Variants in ZFYVE16 observed in about 807,000 individuals in gnomAD.
The protein encoded by ZFYVE16 is zinc finger FYVE-type containing 16, also known as zinc finger FYVE domain-containing protein 16.
Under a neutral mutation model 138.1 loss-of-function variants are expected in ZFYVE16, and 89 were observed. The ratio of observed to expected loss-of-function variants is 0.64; its 90% confidence interval spans 0.54 to 0.77. The LOEUF (loss-of-function observed/expected upper bound fraction) is 0.77, where lower values mean the gene tolerates loss of function less well. Among genes scored for constraint, ZFYVE16 ranks in the 30% least tolerant of loss-of-function variants. ZFYVE16 has a pLI of 0.00. For missense variants in ZFYVE16, 1,793 were observed against 1,786.7 expected (o/e 1.00, Z -0.06); for synonymous variants, 596 against 618.3 (o/e 0.96, Z 0.53).
At chr5:80,447,945 G>T in intron 7 of ZFYVE16, 81 bp from the exon 8 acceptor site, 1 of 1,217,334 alleles carries the variant, frequency 8.2e-7, no homozygotes, top group Non-Finnish European at 1.1e-6. Context: ...AAAAAGATAT[G>T]TTTGGCTATA....
chr5:80,416,558 T>G (rs1746287966), intron 1 of ZFYVE16, among the ~76,000 whole-genome samples: 1 of 4,932 alleles, frequency 2.0e-4, no homozygotes, highest in Non-Finnish European at 1.4e-3. Flanking sequence ...CCCAGCCGAT[T>G]TTTTTTTTTT....
In ZFYVE16 at chr5:80,465,400, GTTTTTTT is replaced by G. The variant is rs3072097; in HGVS notation, c.4024+5924_4024+5930del. Among the ~76,000 whole-genome samples, 98 of 26,780 alleles carry G rather than the reference GTTTTTTT, an allele frequency of 3.7e-3. 1 individual carries two copies. The highest frequency in any genetic ancestry group is 9.0e-3 in the African/African-American group (87 of 9,656). The allele number at this position is 26,780 out of a possible 152,430, so 17.6% of individuals were successfully genotyped here. On this transcript the variant is annotated intron_variant, in intron 15 of 18. Coordinates refer to ENST00000505560, the MANE Select transcript of ZFYVE16 (RefSeq NM_001284236.3). ...GGTTTCTTTTTTTTTCCTTTTCTTT[GTTTTTTT>G]TTTTTTTTTTTTTTTTTGAGACAGG...
At chr5:80,436,460 A>G (rs1422477899) in intron 3 of ZFYVE16, among the ~76,000 whole-genome samples, 3 of 152,198 alleles carry the variant, frequency 2.0e-5, no homozygotes, top group Non-Finnish European at 2.9e-5. Flanking sequence ...TTCAGGAATT[A>G]TTTTAAGCAA....
At chr5:80,454,559 T>C (rs982431128) in intron 11 of ZFYVE16, 12 of 151,354 alleles carry the variant, frequency 7.9e-5, no homozygotes, top group African/African-American at 2.7e-4. Context: ...CAGGCTGGAG[T>C]GCAGTGGCGC....
rs768852996 is a variant in ZFYVE16, at chr5:80,421,576, A to C, written c.-93-5916A>C. Among the ~76,000 whole-genome samples, 11 of 151,968 alleles carry C rather than the reference A, an allele frequency of 7.2e-5. No individual in the cohort carries two copies. In the East Asian group the frequency reaches 1.7e-3, roughly 24 times the overall value. On this transcript the variant is annotated intron_variant, in intron 1 of 18. Transcript: ENST00000505560. ...AATCCTTTCCCCATTTCTTGTTTTTATCAGGTTTGTCAAAGATCAGATGGT... is the reference window on the plus strand; with the variant it reads ...AATCCTTTCCCCATTTCTTGTTTTTCTCAGGTTTGTCAAAGATCAGATGGT...
intron 15 of ZFYVE16, 113 bp downstream of exon 15, chr5:80,459,607 C>A: frequency 1.2e-6 from 1 of 821,426 alleles, no homozygotes; most frequent in East Asian, 2.8e-5. Flanking sequence ...CACAGTACCA[C>A]AAACTTACAT....
At chr5:80,441,922 C>G in intron 5 of ZFYVE16, 2 of 985,222 alleles carry the variant, frequency 2.0e-6, no homozygotes, top group Non-Finnish European at 1.2e-6. Context: ...CAGCAGTATT[C>G]AGGCACTATT....
At chr5:80,457,179 TTA>T in intron 14 of ZFYVE16, 87 bp downstream of exon 14, 1 of 1,481,074 alleles carries the variant, frequency 6.8e-7, no homozygotes, top group Non-Finnish European at 9.1e-7. Flanking sequence ...GTATATTTAC[TTA>T]TTTGCTGAAT....
At chr5:80,470,094 TGTGTGTA>T (rs1463360039) in intron 15 of ZFYVE16, among the ~76,000 whole-genome samples, 16 of 51,796 alleles carry the variant, frequency 3.1e-4, no homozygotes, top group Non-Finnish European at 3.8e-4. Flanking sequence ...TGTGTGTGTG[TGTGTGTA>T]TTTTTTTTTT....
chr5:80,452,717 GGAA>G (rs1752119198), intron 11 of ZFYVE16, among the ~76,000 whole-genome samples: 1 of 152,084 alleles, frequency 6.6e-6, no homozygotes, highest in African/African-American at 2.4e-5. Context: ...TTTTAGGGAA[GGAA>G]GTACTTAAAA....
chr5:80,416,839 A>T (rs1339332317), intron 1 of ZFYVE16, among the ~76,000 whole-genome samples: 1 of 152,128 alleles, frequency 6.6e-6, no homozygotes, highest in African/African-American at 2.4e-5. Context: ...GGTGCTAAGT[A>T]TGTTCGTTGC....
At chr5:80,465,400 G>GTTTTTTTTTCTTTTTTTTTTT (rs1753600981) in intron 15 of ZFYVE16, among the ~76,000 whole-genome samples, 1 of 26,780 alleles carries the variant, frequency 3.7e-5, no homozygotes, top group Non-Finnish European at 7.4e-5. Context: ...CCTTTTCTTT[G>GTTTTTTTTTCTTTTTTTTTTT]TTTTTTTTTT....
chr5:80,440,101 A>G (rs974287475), intron 5 of ZFYVE16, 69 bp downstream of exon 5: 4 of 1,501,312 alleles, frequency 2.7e-6, no homozygotes, highest in South Asian at 1.3e-5. Flanking sequence ...GATTGTGACA[A>G]AGATAAACTT....
intron 15 of ZFYVE16, among the ~76,000 whole-genome samples, chr5:80,469,456 T>C (rs938288139): frequency 1.3e-4 from 20 of 152,042 alleles, no homozygotes; most frequent in African/African-American, 4.8e-4. Context: ...TTGCCCAGGC[T>C]GGTCTCAATC....
chr5:80,472,737 T>G, intron 15 of ZFYVE16, 24 bp from the exon 16 acceptor site: 1 of 1,603,822 alleles, frequency 6.2e-7, no homozygotes, highest in Non-Finnish European at 8.5e-7. Context: ...GCAAAAGAAA[T>G]GTGAAACTTA....
intron 1 of ZFYVE16, among the ~76,000 whole-genome samples, chr5:80,413,492 A>G (rs1233237741): frequency 1.3e-5 from 2 of 151,534 alleles, no homozygotes; most frequent in African/African-American, 2.4e-5. Flanking sequence ...AAAAGAAAAA[A>G]AAAAGAGAAA....
rs1750010523 is a variant in ZFYVE16 at position 80,436,976 on chromosome 5, A to G, written c.291A>G (p.Val97=). ...GLTSIQNEKN[V]TGLDLLSSVD... is the part of the protein sequence containing the mutation. ...CTTCTATACAAAATGAAAAAAATGTAACAGGACTTGATCTTCTTTCTTCTG... is the reference window on the plus strand; with the variant it reads ...CTTCTATACAAAATGAAAAAAATGTGACAGGACTTGATCTTCTTTCTTCTG... Residue 97 remains valine (V), a synonymous_variant, in exon 4 of 19, where the codon GTA becomes GTG. Coordinates refer to ENST00000505560, the MANE Select transcript of ZFYVE16 (RefSeq NM_001284236.3). 6.2e-7 allele frequency: 1 copy of G among 1,614,070 alleles called. No individual in the cohort carries two copies. Among genetic ancestry groups the G allele is most frequent in the African/African-American group, 1.3e-5 (1 of 74,944 alleles).
chr5:80,456,945 G>T lies in ZFYVE16; in HGVS notation c.3796G>T (p.Val1266Leu). 1 of 1,585,694 alleles carries T rather than the reference G, an allele frequency of 6.3e-7. No homozygotes were observed. The highest frequency in any genetic ancestry group is 8.5e-7 in the Non-Finnish European group (1 of 1,172,104). The change falls in exon 14 of 19, where the codon GTA becomes TTA. Residue 1266 changes from valine (V) to leucine (L), a missense_variant and splice_region_variant. Transcript: ENST00000505560. The stretch of plus-strand genomic sequence containing the variant: ...TGTTGTTGTTTTTGTTTTTTTCCAG[G>T]TAATGAAAGTACTAAATTCTTCCAA... Reference protein sequence around the residue: ...IKIPRKKYSDVMKVLNSSNEH... With the variant: ...IKIPRKKYSDLMKVLNSSNEH...
intron 7 of ZFYVE16, 81 bp downstream of exon 7, chr5:80,445,486 T>A (rs1751220803): frequency 7.9e-5 from 6 of 76,216 alleles, no homozygotes; most frequent in South Asian, 3.7e-4. Flanking sequence ...ATTAGAGTGC[T>A]TTTTTTTTTT....
Sources: gnomAD v4.1 joint callset for allele counts (sites outside exome capture counted in the v4.1 genomes callset) on GRCh38, gnomAD v4.1.1 for gene constraint, MANE v1.5 for transcripts, NCBI Gene and HGNC (gene_info 2026-07-23, HGNC 2026-07-21) for gene names.